Variants in LOC112694756 observed in about 807,000 individuals in gnomAD.
the LOC112694756 span, chr16:30,064,539 G>A: frequency 5.0e-6 from 2 of 398,688 alleles, no homozygotes; most frequent in Non-Finnish European, 8.8e-6. Flanking sequence ...CCATCAATAG[G>A]GCCGACCCAA....
At chr16:30,062,951 C>CTGACCAACA in the LOC112694756 span, among the ~76,000 whole-genome samples, 1 of 152,018 alleles carries the variant, frequency 6.6e-6, no homozygotes, top group Non-Finnish European at 1.5e-5. Context: ...CGAGACCAGC[C>CTGACCAACA]TGACCAACAT....
chr16:30,066,908 G>A, the LOC112694756 span: 73 of 1,550,348 alleles, frequency 4.7e-5, 1 homozygote, highest in Middle Eastern at 1.7e-4. Context: ...ATGGCAAGGC[G>A]CAAGCCAGAA....
the LOC112694756 span, chr16:30,067,589 C>T: frequency 1.9e-6 from 3 of 1,614,154 alleles, no homozygotes; most frequent in Non-Finnish European, 2.5e-6. Context: ...ATGAGACACT[C>T]TACCAGAAGG....
chr16:30,060,660 C>T, the LOC112694756 span, among the ~76,000 whole-genome samples: 1 of 152,082 alleles, frequency 6.6e-6, no homozygotes, highest in African/African-American at 2.4e-5. Context: ...GCAGCAGAGC[C>T]TCTCTCAGCC....
the LOC112694756 span, among the ~76,000 whole-genome samples, chr16:30,060,127 C>T: frequency 6.6e-6 from 1 of 150,730 alleles, no homozygotes; most frequent in Non-Finnish European, 1.5e-5. Context: ...CACAGGCGTG[C>T]GCCACCATGC....
chr16:30,056,297 C>T, the LOC112694756 span, among the ~76,000 whole-genome samples: 10 of 151,352 alleles, frequency 6.6e-5, no homozygotes, highest in South Asian at 2.1e-4. Context: ...TTAGTAGAGA[C>T]GGGGTTTCAC....
chr16:30,065,409 G>C, the LOC112694756 span, among the ~76,000 whole-genome samples: 1 of 152,144 alleles, frequency 6.6e-6, no homozygotes, highest in African/African-American at 2.4e-5. Flanking sequence ...AGCTTCCTTC[G>C]TTTCCGACTT....
chr16:30,069,864 G>A, the LOC112694756 span: 1 of 1,614,160 alleles, frequency 6.2e-7, no homozygotes, highest in East Asian at 2.2e-5. Context: ...AGAGTGAGGA[G>A]GAGGCGTCCA....
At chr16:30,058,221 G>C in the LOC112694756 span, among the ~76,000 whole-genome samples, 1 of 152,172 alleles carries the variant, frequency 6.6e-6, no homozygotes, top group Non-Finnish European at 1.5e-5. Flanking sequence ...GGATTTAACA[G>C]GGTGGAGGAC....
At chr16:30,061,693 A>G in the LOC112694756 span, among the ~76,000 whole-genome samples, 4 of 149,264 alleles carry the variant, frequency 2.7e-5, no homozygotes, top group African/African-American at 9.9e-5. Context: ...CTGAGTAGCT[A>G]GGATTACAGG....
the LOC112694756 span, among the ~76,000 whole-genome samples, chr16:30,060,793 C>G: frequency 3.9e-5 from 6 of 152,166 alleles, no homozygotes; most frequent in Non-Finnish European, 7.4e-5. Context: ...AAGAAAATCA[C>G]TTCTCTCTCC....
chr16:30,059,166 T>C, the LOC112694756 span: 1 of 392,578 alleles, frequency 2.5e-6, no homozygotes. Context: ...GCACACAGGT[T>C]AAGAACCACT....
the LOC112694756 span, chr16:30,064,730 C>T: frequency 2.8e-6 from 1 of 356,858 alleles, no homozygotes; most frequent in South Asian, 1.5e-4. Flanking sequence ...GCCCGGGAAC[C>T]CCTAGCTCAC....
chr16:30,067,508 C>T, the LOC112694756 span: 3 of 1,613,848 alleles, frequency 1.9e-6, no homozygotes, highest in Non-Finnish European at 2.5e-6. Context: ...AGAACCGGCG[C>T]TTCTACCGCC....
the LOC112694756 span, chr16:30,066,803 C>A: frequency 6.9e-7 from 1 of 1,448,634 alleles, no homozygotes; most frequent in Non-Finnish European, 9.3e-7. Context: ...ATATCTGGGC[C>A]CTTTCCCACG....
the LOC112694756 span, chr16:30,069,429 C>CG: frequency 6.2e-7 from 1 of 1,613,928 alleles, no homozygotes; most frequent in South Asian, 1.1e-5. Context: ...GGTGGCTGGC[C>CG]GGGGACCCTG....
the LOC112694756 span, chr16:30,069,049 C>T: frequency 5.6e-6 from 9 of 1,602,708 alleles, no homozygotes; most frequent in Non-Finnish European, 6.0e-6. Flanking sequence ...TTGCCTATTA[C>T]CTGCCATGAT....
At chr16:30,066,869 T>C in the LOC112694756 span, 1 of 1,545,814 alleles carries the variant, frequency 6.5e-7, no homozygotes, top group African/African-American at 1.4e-5. Context: ...ATACTCCGGT[T>C]CGGTTTTGTT....
At chr16:30,061,548 C>CTTTTTTTT in the LOC112694756 span, among the ~76,000 whole-genome samples, 9 of 65,566 alleles carry the variant, frequency 1.4e-4, no homozygotes, top group Non-Finnish European at 2.0e-4. Context: ...CCTCCATTTC[C>CTTTTTTTT]TTTTTTTTTT....
Sources: gnomAD v4.1 joint callset for allele counts (sites outside exome capture counted in the v4.1 genomes callset) on GRCh38, gnomAD v4.1.1 for gene constraint, MANE v1.5 for transcripts.